Variants in STXBP5L observed in about 807,000 individuals in gnomAD.
STXBP5L encodes the protein syntaxin binding protein 5L, also known as syntaxin-binding protein 5-like.
In STXBP5L, 65 loss-of-function variants were observed where a neutral mutation model predicts 144.5. The observed-to-expected ratio is 0.45, with a 90% confidence interval of 0.37 to 0.55. STXBP5L has a LOEUF of 0.55. Ranked by LOEUF, STXBP5L falls within the 20% of genes least tolerant of loss-of-function variation. The probability of loss-of-function intolerance (pLI) is 0.00; values close to 1 mark genes in which losing one functional copy is unlikely to be tolerated. For missense variants in STXBP5L, 1,298 were observed against 1,405.5 expected (o/e 0.92, Z 1.22); for synonymous variants, 505 against 469.6 (o/e 1.08, Z -0.97).
At position 121,386,719 on chromosome 3, in the gene STXBP5L, G is replaced by A. The variant is rs144656856; in HGVS notation, c.2587+5187G>A. Among the ~76,000 whole-genome samples, 151 of 152,220 alleles carry A rather than the reference G, an allele frequency of 9.9e-4. 1 individual carries two copies. In the East Asian group the frequency reaches 0.02, roughly 20 times the overall value. ...GGTTTCCAGCTTCATCAATGTCCCT[G>A]CAAAGGACATGAACTCATCCTTTTT... On this transcript the variant is annotated intron_variant, in intron 22 of 26. Transcript: ENST00000471454.
At chr3:121,402,362 T>C (rs2046899374) in intron 22 of STXBP5L, among the ~76,000 whole-genome samples, 1 of 152,102 alleles carries the variant, frequency 6.6e-6, no homozygotes, top group Non-Finnish European at 1.5e-5. Flanking sequence ...GGAAAGCAAA[T>C]ATCTCAGGCT....
At chr3:121,159,597 C>CTAAGTGTGCTTG (rs2046241420) in intron 9 of STXBP5L, among the ~76,000 whole-genome samples, 1 of 149,036 alleles carries the variant, frequency 6.7e-6, no homozygotes, top group Non-Finnish European at 1.5e-5. Context: ...CCATAGCATT[C>CTAAGTGTGCTTG]TAAGTGTGCT....
At chr3:121,273,048 A>T (rs1051641218) in intron 18 of STXBP5L, among the ~76,000 whole-genome samples, 1 of 152,110 alleles carries the variant, frequency 6.6e-6, no homozygotes, top group Non-Finnish European at 1.5e-5. Context: ...TTTATACACC[A>T]TCATTTCAGT....
chr3:120,968,071 T>C (rs749265503), intron 3 of STXBP5L, among the ~76,000 whole-genome samples: 30 of 152,194 alleles, frequency 2.0e-4, no homozygotes, highest in Non-Finnish European at 3.8e-4. Flanking sequence ...AAATGTGTAT[T>C]CTGCGGCTAT....
At chr3:120,965,000 G>A (rs1466540684) in intron 3 of STXBP5L, among the ~76,000 whole-genome samples, 1 of 152,146 alleles carries the variant, frequency 6.6e-6, no homozygotes, top group East Asian at 1.9e-4. Flanking sequence ...TCTTCTTGTT[G>A]AATTGATCCC....
chr3:121,259,625 A>G (rs2050321807), intron 18 of STXBP5L, among the ~76,000 whole-genome samples: 1 of 152,054 alleles, frequency 6.6e-6, no homozygotes, highest in Non-Finnish European at 1.5e-5. Flanking sequence ...TTCTCTTCCT[A>G]AATTATCACT....
chr3:121,377,536 C>T (rs2046218657), intron 20 of STXBP5L, among the ~76,000 whole-genome samples: 1 of 152,142 alleles, frequency 6.6e-6, no homozygotes, highest in Non-Finnish European at 1.5e-5. Flanking sequence ...TGAACAGACA[C>T]TTCTCAAAAG....
chr3:121,160,280 G>T (rs2046273914), intron 9 of STXBP5L, among the ~76,000 whole-genome samples: 1 of 151,854 alleles, frequency 6.6e-6, no homozygotes, highest in Non-Finnish European at 1.5e-5. Context: ...ATTTATTTTG[G>T]GGATCTATTA....
chr3:121,038,705 A>G (rs911648907), intron 3 of STXBP5L, among the ~76,000 whole-genome samples: 12 of 151,920 alleles, frequency 7.9e-5, no homozygotes, highest in African/African-American at 2.9e-4. Flanking sequence ...AACTCGAACT[A>G]TAATTGTGAA....
At chr3:121,154,781 A>G (rs1261786990) in intron 8 of STXBP5L, among the ~76,000 whole-genome samples, 2 of 151,850 alleles carry the variant, frequency 1.3e-5, no homozygotes, top group African/African-American at 4.8e-5. Context: ...CTGAATTTGT[A>G]TTTAAATATC....
chr3:121,057,626 G>C (rs1948552436), intron 5 of STXBP5L, among the ~76,000 whole-genome samples: 1 of 151,920 alleles, frequency 6.6e-6, no homozygotes, highest in South Asian at 2.1e-4. Flanking sequence ...GTATTTATGA[G>C]TTCCATCCAT....
At chr3:121,107,526 A>G (rs2043772167) in intron 5 of STXBP5L, among the ~76,000 whole-genome samples, 1 of 152,094 alleles carries the variant, frequency 6.6e-6, no homozygotes, top group African/African-American at 2.4e-5. Context: ...AGATGGTTGT[A>G]GATGTGTGGT....
intron 3 of STXBP5L, among the ~76,000 whole-genome samples, chr3:121,007,174 G>T (rs979698662): frequency 6.6e-6 from 1 of 151,946 alleles, no homozygotes; most frequent in Non-Finnish European, 1.5e-5. Context: ...AATTCTACTT[G>T]TATGTTAAAC....
chr3:120,936,841 A>G (rs1710289774), intron 2 of STXBP5L, among the ~76,000 whole-genome samples: 1 of 152,032 alleles, frequency 6.6e-6, no homozygotes, highest in Admixed American at 6.6e-5. Context: ...ACGCCTGGCC[A>G]CATGCAGTTT....
At chr3:121,250,809 T>G in intron 15 of STXBP5L, 46 bp downstream of exon 15, 1 of 1,527,886 alleles carries the variant, frequency 6.5e-7, no homozygotes, top group Non-Finnish European at 9.0e-7. Flanking sequence ...GGTTAATATT[T>G]ACTTATAGCC....
intron 20 of STXBP5L, among the ~76,000 whole-genome samples, chr3:121,353,394 T>C (rs556992835): frequency 7.9e-5 from 12 of 152,318 alleles, no homozygotes; most frequent in Admixed American, 7.2e-4. Flanking sequence ...TTCAACTTTT[T>C]CCTGGTTTAG....
Position 121,255,085 on chromosome 3 carries a change from C to T in STXBP5L, c.1632C>T (p.Ser544=). 6.3e-7 allele frequency: 1 copy of T among 1,596,316 alleles called. No individual in the cohort carries two copies. Among genetic ancestry groups the T allele is most frequent in the Non-Finnish European group, 8.5e-7 (1 of 1,172,204 alleles). ...VSAYVIIYKF[S]RHEITTEIVS... Reference sequence around the variant, plus strand: ...CATATGTCATAATTTATAAATTCAGCAGACATGAAATTACAACAGAAATAG... The same window carrying T: ...CATATGTCATAATTTATAAATTCAGTAGACATGAAATTACAACAGAAATAG... Residue 544 remains serine (S), a synonymous_variant, in exon 16 of 27, where the codon AGC becomes AGT. Transcript: ENST00000471454.
Position 121,304,864 on chromosome 3 carries a change from A to G in STXBP5L, c.2111-13611A>G, listed in dbSNP as rs573039829. Reference sequence around the variant, plus strand: ...AGGAAATAATAATCATCAAAAATGAACGAAATAGAGGTCAAACCAGAGTAG... The same window carrying G: ...AGGAAATAATAATCATCAAAAATGAGCGAAATAGAGGTCAAACCAGAGTAG... On this transcript the variant is annotated intron_variant, in intron 19 of 26. Transcript: ENST00000471454. Among the ~76,000 whole-genome samples, 288 of 152,200 alleles carry G rather than the reference A, an allele frequency of 1.9e-3. 2 individuals carry two copies. The highest frequency in any genetic ancestry group is 4.2e-3 in the East Asian group (22 of 5,194).
intron 18 of STXBP5L, among the ~76,000 whole-genome samples, chr3:121,275,675 C>T (rs73855356): frequency 0.014 from 2,197 of 152,094 alleles, 54 homozygotes; most frequent in African/African-American, 0.05. Flanking sequence ...TTTTCCCTTT[C>T]AGTTCTATTG....
Sources: gnomAD v4.1 joint callset for allele counts (sites outside exome capture counted in the v4.1 genomes callset) on GRCh38, gnomAD v4.1.1 for gene constraint, MANE v1.5 for transcripts, NCBI Gene and HGNC (gene_info 2026-07-23, HGNC 2026-07-21) for gene names.